The following RABGAP1L variants were observed in gnomAD, a reference collection of about 807,000 sequenced individuals.
RABGAP1L encodes the protein rab GTPase-activating protein 1-like.
A neutral mutation model predicts 137.7 loss-of-function variants in RABGAP1L; 63 were observed. The ratio of observed to expected loss-of-function variants is 0.46; its 90% CI spans 0.37 to 0.56. The LOEUF (loss-of-function observed/expected upper bound fraction) is 0.56, where lower values mean the gene tolerates loss of function less well. RABGAP1L is among the 20% of genes least tolerant of loss of function. RABGAP1L has a pLI of 0.00. For missense variants in RABGAP1L, 1,095 were observed against 1,244.0 expected (o/e 0.88, Z 1.80); for synonymous variants, 431 against 433.7 (o/e 0.99, Z 0.08).
In RABGAP1L at chr1:174,989,943, C is replaced by T; in HGVS notation, c.3098C>T (p.Thr1033Met). The stretch of plus-strand genomic sequence containing the variant: ...ACCCTGAACTCTATCAAAACGGCCA[C>T]GGGCACCCAGCCATTGCAGCCAGCA... Reference protein sequence around the residue: ...SKTLNSIKTATGTQPLQPAPV... With the variant: ...SKTLNSIKTAMGTQPLQPAPV... The change falls in exon 26 of 26, where the codon ACG (threonine) becomes ATG (methionine). Residue 1033 changes from threonine (T) to methionine (M), a missense_variant. Physicochemically the swap from Thr to Met is moderately conservative, Grantham distance 81. Around this residue, in one of 4 missense-constraint regions of RABGAP1L, gnomAD observed 312 missense variants for 435.6 expected, o/e 0.72. Transcript: ENST00000681986. The T allele has an allele frequency of 1.3e-6, 2 of 1,549,684 alleles. No homozygotes were observed. Among genetic ancestry groups the T allele is most frequent in the Non-Finnish European group, 1.7e-6 (2 of 1,146,088 alleles).
intron 18 of RABGAP1L, among the ~76,000 whole-genome samples, chr1:174,784,093 C>T (rs1352454114): frequency 3.5e-5 from 5 of 141,398 alleles, no homozygotes; most frequent in Non-Finnish European, 7.5e-5. Flanking sequence ...GATCTCGGCT[C>T]GCTACAAGCT....
At chr1:174,624,822 A>T (rs995165249) in intron 13 of RABGAP1L, among the ~76,000 whole-genome samples, 4 of 151,400 alleles carry the variant, frequency 2.6e-5, no homozygotes, top group African/African-American at 9.7e-5. Context: ...AGAGAGGCAA[A>T]ACCACCCTAC....
chr1:174,279,234 T>A (rs1675276370), intron 10 of RABGAP1L, among the ~76,000 whole-genome samples: 1 of 152,128 alleles, frequency 6.6e-6, no homozygotes, highest in South Asian at 2.1e-4. Context: ...ATCAGTGAGG[T>A]TATAAAATTA....
chr1:174,289,590 G>C (rs1306764716), intron 10 of RABGAP1L, among the ~76,000 whole-genome samples: 1 of 152,146 alleles, frequency 6.6e-6, no homozygotes, highest in Non-Finnish European at 1.5e-5. Flanking sequence ...GCACAATTTA[G>C]GAAGTGATCA....
chr1:174,292,019 T>TTTTTTTTTATTATTA (rs372810832), intron 10 of RABGAP1L, among the ~76,000 whole-genome samples: 2 of 139,046 alleles, frequency 1.4e-5, no homozygotes, highest in African/African-American at 5.4e-5. Context: ...GATTAGATCA[T>TTTTTTTTTATTATTA]TTATTATTAT....
chr1:174,221,045 G>A lies in RABGAP1L; in HGVS notation c.212G>A (p.Ser71Asn), dbSNP rs771672084. The A allele has an allele frequency of 1.9e-6, 3 of 1,613,876 alleles. No homozygotes were observed. Among genetic ancestry groups the A allele is most frequent in the South Asian group, 1.1e-5 (1 of 91,066 alleles). Residue 71 changes from serine (S) to asparagine (N), a missense_variant, in exon 3 of 26, where the codon AGC becomes AAC. By Grantham distance (46) the Ser-to-Asn change is conservative. Transcript: ENST00000681986. ...EILRDSEKRP[S>N]SLLVDCQSSS... ...TTGAGAGATTCCGAGAAAAGGCCAA[G>A]CAGTCTTCTTGTTGATTGTCAAAGT... is the stretch of plus-strand genomic sequence containing the variant.
At position 174,978,697 on chromosome 1, in the gene RABGAP1L, A is replaced by C. The variant is rs1670849111; in HGVS notation, c.2650-110A>C. 3 of 1,233,316 alleles carry C rather than the reference A, an allele frequency of 2.4e-6. No individual in the cohort carries two copies. The South Asian group carries it at 6.8e-5, about 28-fold the overall frequency. The allele number at this position is 1,233,316 out of a possible 1,614,324, so 76.4% of individuals were successfully genotyped here. On this transcript the variant is annotated intron_variant, in intron 22 of 25. Coordinates refer to ENST00000681986, the MANE Select transcript of RABGAP1L (RefSeq NM_001366446.1). ...TCCATGAAGATAATTTATATAGTTA[A>C]CATTGTTACCATTGTTACTGACTAT...
intron 1 of RABGAP1L, among the ~76,000 whole-genome samples, chr1:174,177,916 A>G (rs920132973): frequency 4.6e-5 from 7 of 152,192 alleles, no homozygotes; most frequent in Non-Finnish European, 1.5e-5. Context: ...AGGTAGCATG[A>G]TGCCTCCAGC....
chr1:174,936,526 C>T (rs115612081), intron 19 of RABGAP1L, among the ~76,000 whole-genome samples: 1 of 151,814 alleles, frequency 6.6e-6, no homozygotes, highest in Non-Finnish European at 1.5e-5. Flanking sequence ...CCTGGGAGGT[C>T]AAGGCTGCAG....
intron 11 of RABGAP1L, among the ~76,000 whole-genome samples, chr1:174,357,626 T>C (rs1306316289): frequency 6.6e-6 from 1 of 152,138 alleles, no homozygotes; most frequent in East Asian, 1.9e-4. Flanking sequence ...GAAGTCTACA[T>C]AGGAGCAAAA....
intron 13 of RABGAP1L, chr1:174,548,064 G>C: frequency 6.5e-7 from 1 of 1,550,052 alleles, no homozygotes; most frequent in Non-Finnish European, 8.7e-7. Flanking sequence ...AAATGCGTCA[G>C]TGCTCTTGGC....
intron 19 of RABGAP1L, among the ~76,000 whole-genome samples, chr1:174,852,978 T>G (rs1460085005): frequency 6.6e-6 from 1 of 152,162 alleles, no homozygotes. Flanking sequence ...AGCAGAAGTT[T>G]GTTATTTATC....
At chr1:174,661,310 G>C (rs542050634) in intron 14 of RABGAP1L, among the ~76,000 whole-genome samples, 1 of 152,178 alleles carries the variant, frequency 6.6e-6, no homozygotes, top group South Asian at 2.1e-4. Context: ...AACTAGTAAA[G>C]AACTTTTAGA....
intron 19 of RABGAP1L, among the ~76,000 whole-genome samples, chr1:174,952,474 G>A (rs540946053): frequency 1.3e-5 from 2 of 151,268 alleles, no homozygotes; most frequent in South Asian, 2.1e-4. Flanking sequence ...TTGCGCCACT[G>A]CACTCCAGCC....
chr1:174,925,486 G>A (rs1662626197), intron 19 of RABGAP1L, among the ~76,000 whole-genome samples: 1 of 151,914 alleles, frequency 6.6e-6, no homozygotes, highest in Admixed American at 6.6e-5. Context: ...TGAGATAAGA[G>A]GAGAGTGGAG....
At chr1:174,621,426 A>C (rs1423624935) in intron 13 of RABGAP1L, among the ~76,000 whole-genome samples, 1 of 152,230 alleles carries the variant, frequency 6.6e-6, no homozygotes, top group African/African-American at 2.4e-5. Flanking sequence ...ACAAAGCTGG[A>C]GGCATCAAGC....
intron 13 of RABGAP1L, among the ~76,000 whole-genome samples, chr1:174,461,874 C>T (rs750024569): frequency 3.3e-5 from 5 of 151,938 alleles, no homozygotes; most frequent in Non-Finnish European, 5.9e-5. Flanking sequence ...TTTGAATATG[C>T]GTCTTAAAGG....
intron 18 of RABGAP1L, among the ~76,000 whole-genome samples, chr1:174,798,459 A>G (rs1340322797): frequency 1.3e-5 from 2 of 152,126 alleles, no homozygotes; most frequent in East Asian, 3.8e-4. Flanking sequence ...ACAGCAATAT[A>G]TAAATATTTC....
intron 11 of RABGAP1L, among the ~76,000 whole-genome samples, chr1:174,358,679 A>G (rs1214341386): frequency 1.3e-5 from 2 of 152,148 alleles, no homozygotes; most frequent in Non-Finnish European, 2.9e-5. Flanking sequence ...GGTATACTTT[A>G]ACAGACTGAA....
Sources: gnomAD v4.1 joint callset for allele counts (sites outside exome capture counted in the v4.1 genomes callset) on GRCh38, gnomAD v4.1.1 for gene constraint, gnomAD v4.1.1 regional missense constraint, MANE v1.5 for transcripts, NCBI Gene and HGNC (gene_info 2026-07-23, HGNC 2026-07-21) for gene names.